The following LRFN5 variants were observed in gnomAD, a reference collection of about 807,000 sequenced individuals.
The protein encoded by LRFN5 is leucine rich repeat and fibronectin type III domain containing 5, also known as leucine-rich repeat and fibronectin type-III domain-containing protein 5.
LRFN5 carries 24 observed loss-of-function variants against 45.6 expected under a neutral mutation model. The observed-to-expected ratio is 0.53, with a 90% confidence interval of 0.38 to 0.74. The LOEUF (loss-of-function observed/expected upper bound fraction) is 0.74, where lower values mean the gene tolerates loss of function less well. Ranked by LOEUF, LRFN5 falls within the 30% of genes least tolerant of loss-of-function variation. The pLI is 0.00. For synonymous variants in LRFN5, 340 were observed against 313.8 expected, an observed-to-expected ratio of 1.08 and a Z score of -0.88; for missense variants, 776 against 861.5, an observed-to-expected ratio of 0.90 and a Z score of 1.24.
intron 1 of LRFN5, among the ~76,000 whole-genome samples, chr14:41,632,290 C>T (rs1277118057): frequency 6.6e-6 from 1 of 152,106 alleles, no homozygotes; most frequent in Non-Finnish European, 1.5e-5. Context: ...ATGTTAATCT[C>T]ATAACGGCCC....
chr14:41,719,757 A>G (rs891578838), intron 1 of LRFN5, among the ~76,000 whole-genome samples: 1 of 151,922 alleles, frequency 6.6e-6, no homozygotes, highest in Admixed American at 6.6e-5. Context: ...ATATATATAT[A>G]TATCTGAACT....
intron 5 of LRFN5, among the ~76,000 whole-genome samples, chr14:41,902,302 A>G (rs1224413689): frequency 6.6e-6 from 1 of 151,896 alleles, no homozygotes; most frequent in African/African-American, 2.4e-5. Flanking sequence ...TAGTTTTTGT[A>G]ACATTTTTAC....
intron 2 of LRFN5, among the ~76,000 whole-genome samples, chr14:41,777,090 A>G (rs1038132520): frequency 6.6e-6 from 1 of 151,946 alleles, no homozygotes; most frequent in Non-Finnish European, 1.5e-5. Flanking sequence ...ACTCTAATGT[A>G]ATTATCCTAT....
At chr14:41,882,644 G>A (rs1475432477) in intron 2 of LRFN5, among the ~76,000 whole-genome samples, 2 of 152,060 alleles carry the variant, frequency 1.3e-5, no homozygotes, top group East Asian at 3.9e-4. Flanking sequence ...GTATGAGAAT[G>A]ACATAGGTGT....
intron 2 of LRFN5, among the ~76,000 whole-genome samples, chr14:41,822,317 T>A (rs1323156943): frequency 6.6e-6 from 1 of 151,982 alleles, no homozygotes; most frequent in Admixed American, 6.6e-5. Context: ...CTTAGCACTG[T>A]TTTTGCCATA....
intron 2 of LRFN5, among the ~76,000 whole-genome samples, chr14:41,876,992 T>C (rs1350978561): frequency 6.6e-6 from 1 of 152,142 alleles, no homozygotes; most frequent in Non-Finnish European, 1.5e-5. Context: ...TTGTTTACAA[T>C]GTGAGAATTA....
At chr14:41,827,521 A>G (rs892095582) in intron 2 of LRFN5, among the ~76,000 whole-genome samples, 2 of 152,032 alleles carry the variant, frequency 1.3e-5, no homozygotes, top group African/African-American at 4.8e-5. Context: ...AAAATAATCG[A>G]GGCAAAATGT....
Position 41,891,699 on chromosome 14 carries a change from A to C in LRFN5, c.1835A>C (p.Gln612Pro). 4 of 1,614,216 alleles carry C rather than the reference A, an allele frequency of 2.5e-6. No individual in the cohort carries two copies. Among genetic ancestry groups the C allele is most frequent in the Non-Finnish European group, 3.4e-6 (4 of 1,180,036 alleles). ...CCKATSDNVI[Q>P]SSETCSSQDS... ...AAAGCTACCAGTGACAATGTGATTC[A>C]ATCTTCAGAAACTTGTTCGAGTCAG... Residue 612 changes from glutamine to proline, a missense_variant, in exon 4 of 6, where the codon CAA (glutamine) becomes CCA (proline). This residue lies in a region of LRFN5 where 465 missense variants were observed against 456.4 expected (regional missense o/e 1.02). Transcript: ENST00000298119.
intron 1 of LRFN5, among the ~76,000 whole-genome samples, chr14:41,617,055 G>A (rs1422146082): frequency 6.6e-6 from 1 of 152,056 alleles, no homozygotes; most frequent in Non-Finnish European, 1.5e-5. Context: ...AGGTATGTTG[G>A]TAAAATAAGG....
At chr14:41,890,353 T>TA (rs1298203676) in intron 3 of LRFN5, among the ~76,000 whole-genome samples, 2 of 152,118 alleles carry the variant, frequency 1.3e-5, no homozygotes, top group African/African-American at 4.8e-5. Context: ...CATGTATAGA[T>TA]AAAAACATAA....
chr14:41,765,726 A>G (rs1594689342), intron 1 of LRFN5, among the ~76,000 whole-genome samples: 1 of 152,312 alleles, frequency 6.6e-6, no homozygotes, highest in South Asian at 2.1e-4. Context: ...TTTCAAAAAG[A>G]TACAGCATTG....
intron 2 of LRFN5, among the ~76,000 whole-genome samples, chr14:41,832,432 A>G (rs1888516531): frequency 6.6e-6 from 1 of 152,120 alleles, no homozygotes; most frequent in South Asian, 2.1e-4. Flanking sequence ...TGGCAATTTC[A>G]TTTTTTAATT....
At chr14:41,717,113 G>A (rs952560831) in intron 1 of LRFN5, among the ~76,000 whole-genome samples, 1 of 152,066 alleles carries the variant, frequency 6.6e-6, no homozygotes, top group African/African-American at 2.4e-5. Context: ...ACGAATCTAA[G>A]CTTATAGGTT....
At chr14:41,885,014 A>T (rs1890514784) in intron 2 of LRFN5, among the ~76,000 whole-genome samples, 1 of 152,090 alleles carries the variant, frequency 6.6e-6, no homozygotes. Context: ...AATATGTATG[A>T]TTTTCTGCAG....
At chr14:41,773,210 G>C (rs183885665) in intron 2 of LRFN5, among the ~76,000 whole-genome samples, 13 of 152,204 alleles carry the variant, frequency 8.5e-5, no homozygotes, top group African/African-American at 3.1e-4. Flanking sequence ...TTCTGTTCTT[G>C]TTCATATAAT....
chr14:41,644,844 T>G (rs1879738053), intron 1 of LRFN5, among the ~76,000 whole-genome samples: 1 of 152,182 alleles, frequency 6.6e-6, no homozygotes, highest in Non-Finnish European at 1.5e-5. Flanking sequence ...GTTTCTCTTC[T>G]GCAAAGAACA....
chr14:41,620,572 T>G (rs986150732), intron 1 of LRFN5, among the ~76,000 whole-genome samples: 7 of 152,212 alleles, frequency 4.6e-5, no homozygotes, highest in Middle Eastern at 6.8e-3. Flanking sequence ...CTAATTTGTG[T>G]AACTTTTTTC....
intron 1 of LRFN5, among the ~76,000 whole-genome samples, chr14:41,709,784 T>G (rs945354757): frequency 1.3e-5 from 2 of 152,042 alleles, no homozygotes; most frequent in African/African-American, 4.8e-5. Context: ...GAGTTAATAT[T>G]TTGTCAATAG....
chr14:41,673,348 ACCC>A (rs1555353119), intron 1 of LRFN5, among the ~76,000 whole-genome samples: 1 of 128,660 alleles, frequency 7.8e-6, no homozygotes, highest in African/African-American at 3.0e-5. Context: ...CGGGGGGCTG[ACCC>A]CCCACCTCCC....
Sources: gnomAD v4.1 joint callset for allele counts (sites outside exome capture counted in the v4.1 genomes callset) on GRCh38, gnomAD v4.1.1 for gene constraint, gnomAD v4.1.1 regional missense constraint, MANE v1.5 for transcripts, NCBI Gene and HGNC (gene_info 2026-07-23, HGNC 2026-07-21) for gene names.